RNLS: variants seen among roughly 807,000 people sequenced by gnomAD.
RNLS encodes the protein renalase, FAD dependent amine oxidase, also known as renalase.
In RNLS, 39 loss-of-function variants were observed where a neutral mutation model predicts 39.8. That is an observed-to-expected ratio of 0.98 (90% CI 0.76 to 1.28). The LOEUF (loss-of-function observed/expected upper bound fraction) is 1.28, where lower values mean the gene tolerates loss of function less well. Ranked by LOEUF, RNLS falls within the 50% of genes most tolerant of loss-of-function variation. The pLI, the probability that RNLS is intolerant of heterozygous loss-of-function variation, is 0.00. For missense variants in RNLS, 410 were observed against 413.3 expected, an observed-to-expected ratio of 0.99 and a Z score of 0.07; for synonymous variants, 147 against 150.7, an observed-to-expected ratio of 0.98 and a Z score of 0.18.
chr10:88,419,742 C>T (rs976956836), intron 4 of RNLS, among the ~76,000 whole-genome samples: 1 of 152,134 alleles, frequency 6.6e-6, no homozygotes, highest in African/African-American at 2.4e-5. Flanking sequence ...CGGTGGCTCA[C>T]GCCTGTAATA....
At chr10:88,484,817 A>T (rs975630044) in intron 4 of RNLS, among the ~76,000 whole-genome samples, 53 of 152,090 alleles carry the variant, frequency 3.5e-4, no homozygotes, top group Non-Finnish European at 7.7e-4. Flanking sequence ...TGCCAGACAG[A>T]GAAAAAAAAT....
chr10:88,510,350 T>C lies in RNLS; in HGVS notation c.526+62553A>G, dbSNP rs57770771. On this transcript the variant is annotated intron_variant, in intron 4 of 6. Transcript: ENST00000331772. ...AAGAAAATAGACAAAAACTGAAACA[T>C]ATAATTTGTTTAAATTATTCAAATT... is the stretch of plus-strand genomic sequence containing the variant. 9.4e-3 allele frequency among the ~76,000 whole-genome samples: 1,428 copies of C among 152,196 alleles called. 24 individuals are homozygous for C. Among genetic ancestry groups the C allele is most frequent in the African/African-American group, 0.031 (1,307 of 41,536 alleles).
chr10:88,343,826 G>A, intron 5 of RNLS: 2 of 985,198 alleles, frequency 2.0e-6, no homozygotes, highest in East Asian at 1.1e-4. Flanking sequence ...AAGGAAAAAC[G>A]AAAGGGTTTC....
At chr10:88,215,408 G>A in the RNLS span, among the ~76,000 whole-genome samples, 2 of 152,082 alleles carry the variant, frequency 1.3e-5, no homozygotes, top group African/African-American at 4.8e-5. Flanking sequence ...ATCCAAATCT[G>A]TCTAATTTCA....
In RNLS at chr10:88,572,763, G is replaced by C. The variant is rs568068607; in HGVS notation, c.526+140C>G. 9.6e-4 allele frequency: 775 copies of C among 811,206 alleles called. 7 individuals are homozygous for C. Among genetic ancestry groups the C allele is most frequent in the South Asian group, 7.3e-3 (349 of 48,096 alleles). The allele number at this position is 811,206 out of a possible 1,614,324, so 50.3% of individuals were successfully genotyped here. ...TGGCCTAGATTAATATCATGACGAC[G>C]GCCGTAAGTATCAGTTTTTAAGACA... On this transcript the variant is annotated intron_variant, in intron 4 of 6. Transcript: ENST00000331772.
chr10:88,208,430 A>C, the RNLS span, among the ~76,000 whole-genome samples: 1 of 152,182 alleles, frequency 6.6e-6, no homozygotes, highest in Admixed American at 6.5e-5. Flanking sequence ...AATAGTCAAT[A>C]AAATTATTAA....
chr10:88,524,335 C>T (rs993538840), intron 4 of RNLS, among the ~76,000 whole-genome samples: 1 of 152,064 alleles, frequency 6.6e-6, no homozygotes, highest in Admixed American at 6.6e-5. Context: ...CAGCAACAGA[C>T]AACTTATTTA....
At chr10:88,354,022 A>G (rs554068479) in intron 5 of RNLS, among the ~76,000 whole-genome samples, 1 of 152,298 alleles carries the variant, frequency 6.6e-6, no homozygotes, top group Admixed American at 6.5e-5. Context: ...ATCAGAGACT[A>G]GGATTGCAAC....
chr10:88,490,640 A>G (rs1173314941), intron 4 of RNLS, among the ~76,000 whole-genome samples: 1 of 152,200 alleles, frequency 6.6e-6, no homozygotes, highest in Non-Finnish European at 1.5e-5. Flanking sequence ...TATTTTTTAA[A>G]ATGTGCATTC....
At chr10:88,348,568 A>G (rs1159737527) in intron 5 of RNLS, among the ~76,000 whole-genome samples, 1 of 152,116 alleles carries the variant, frequency 6.6e-6, no homozygotes, top group Non-Finnish European at 1.5e-5. Flanking sequence ...ATAGATCTGT[A>G]ATTTGGACTT....
chr10:88,211,155 C>T, the RNLS span, among the ~76,000 whole-genome samples: 1 of 152,240 alleles, frequency 6.6e-6, no homozygotes, highest in South Asian at 2.1e-4. Context: ...ATTTCATCGT[C>T]CCATGTTTTG....
the RNLS span, among the ~76,000 whole-genome samples, chr10:88,218,750 T>C: frequency 6.6e-6 from 1 of 152,222 alleles, no homozygotes; most frequent in Non-Finnish European, 1.5e-5. Flanking sequence ...AATCACCATT[T>C]AAAGTGGTGA....
chr10:88,178,376 T>G, the RNLS span, among the ~76,000 whole-genome samples: 1 of 152,124 alleles, frequency 6.6e-6, no homozygotes, highest in East Asian at 1.9e-4. Flanking sequence ...TGAATCTTCT[T>G]TCTGGAATAA....
intron 3 of RNLS, among the ~76,000 whole-genome samples, chr10:88,579,786 A>G (rs1850429128): frequency 1.3e-5 from 2 of 152,210 alleles, no homozygotes; most frequent in Admixed American, 1.3e-4. Context: ...ACTTGGCCAT[A>G]GGATGCCTAC....
chr10:88,411,344 A>G (rs931120864), intron 4 of RNLS, among the ~76,000 whole-genome samples: 12 of 152,058 alleles, frequency 7.9e-5, no homozygotes, highest in African/African-American at 2.9e-4. Context: ...GCTTTTGAAA[A>G]AGTAGAAACT....
At chr10:88,226,738 CTTTTTTTTT>C in the RNLS span, among the ~76,000 whole-genome samples, 25 of 69,472 alleles carry the variant, frequency 3.6e-4, no homozygotes, top group African/African-American at 1.3e-3. Context: ...TCTCCCTTCA[CTTTTTTTTT>C]TTTTTTTTTT....
At chr10:88,255,870 C>T in the RNLS span, among the ~76,000 whole-genome samples, 1 of 152,206 alleles carries the variant, frequency 6.6e-6, no homozygotes, top group Non-Finnish European at 1.5e-5. Context: ...TTCAGAAATG[C>T]CAACCCAGTG....
chr10:88,502,486 G>A (rs181694255), intron 4 of RNLS, among the ~76,000 whole-genome samples: 3 of 152,236 alleles, frequency 2.0e-5, no homozygotes, highest in East Asian at 3.9e-4. Flanking sequence ...GCACAGGGCT[G>A]CTCCTCTTTC....
At chr10:88,519,646 A>G (rs939013089) in intron 4 of RNLS, among the ~76,000 whole-genome samples, 1 of 149,868 alleles carries the variant, frequency 6.7e-6, no homozygotes, top group Admixed American at 6.7e-5. Context: ...ATGGATCCCC[A>G]AGGGTTATCT....
Sources: gnomAD v4.1 joint callset for allele counts (sites outside exome capture counted in the v4.1 genomes callset) on GRCh38, gnomAD v4.1.1 for gene constraint, MANE v1.5 for transcripts, NCBI Gene and HGNC (gene_info 2026-07-23, HGNC 2026-07-21) for gene names.